FRYL: variants seen among roughly 807,000 people sequenced by gnomAD.
FRYL encodes the protein protein furry homolog-like.
Under a neutral mutation model 351.2 loss-of-function variants are expected in FRYL, and 150 were observed. That is an observed-to-expected ratio of 0.43 (90% CI 0.37 to 0.49). The LOEUF is 0.49. Among genes scored for constraint, FRYL ranks in the 20% least tolerant of loss-of-function variants. The pLI is 0.00. For synonymous variants in FRYL, 1,153 were observed against 1,257.1 expected, an observed-to-expected ratio of 0.92 and a Z score of 1.75; for missense variants, 3,036 against 3,619.3, an observed-to-expected ratio of 0.84 and a Z score of 4.13.
intron 2 of FRYL, among the ~76,000 whole-genome samples, chr4:48,688,151 C>T (rs992557465): frequency 6.6e-6 from 1 of 152,026 alleles, no homozygotes; most frequent in Non-Finnish European, 1.5e-5. Context: ...AGCTAGAAAC[C>T]GCACTTTAAG....
At chr4:48,599,648 C>A (rs560142948) in intron 13 of FRYL, among the ~76,000 whole-genome samples, 1 of 152,250 alleles carries the variant, frequency 6.6e-6, no homozygotes, top group East Asian at 1.9e-4. Flanking sequence ...ACTAGAAGAG[C>A]AAGAGCTATG....
At chr4:48,595,487 T>A (rs896551250) in intron 15 of FRYL, 103 bp downstream of exon 15, 7 of 582,320 alleles carry the variant, frequency 1.2e-5, no homozygotes, top group African/African-American at 1.9e-5. Flanking sequence ...CAATGTTGTA[T>A]TACTATGTTT....
chr4:48,775,510 C>G (rs1240488054), intron 1 of FRYL, among the ~76,000 whole-genome samples: 1 of 152,136 alleles, frequency 6.6e-6, no homozygotes, highest in Non-Finnish European at 1.5e-5. Flanking sequence ...ACCCTTTCTG[C>G]CCTCTGGGGT....
chr4:48,725,690 G>T (rs1159374467), intron 1 of FRYL, among the ~76,000 whole-genome samples: 2 of 152,110 alleles, frequency 1.3e-5, no homozygotes, highest in African/African-American at 4.8e-5. Context: ...TCAGTTATCA[G>T]ATCCACTCTC....
At chr4:48,592,967 T>A (rs1025446843) in intron 16 of FRYL, among the ~76,000 whole-genome samples, 2 of 152,172 alleles carry the variant, frequency 1.3e-5, no homozygotes, top group African/African-American at 4.8e-5. Context: ...CCTTTTTATA[T>A]CCTCAAATGT....
Position 48,497,430 on chromosome 4 carries a change from A to G in FRYL, c.*1992T>C, listed in dbSNP as rs1269653009. 2.0e-5 allele frequency: 3 copies of G among 152,602 alleles called. No individual in the cohort carries two copies. The highest frequency in any genetic ancestry group is 4.4e-5 in the Non-Finnish European group (3 of 68,038). 9.5% of individuals were successfully genotyped at this position (152,602 alleles called of 1,614,324 possible). A position where few individuals can be genotyped will look rare whatever the true frequency, so the allele number is the denominator to read the frequency against. ...ACATATAAATAAACACAAAAAGCAA[A>G]TATCAACTGAAAGGTTTGGTTGGGT... On this transcript the variant is annotated 3_prime_UTR_variant, in exon 64 of 64. Coordinates refer to ENST00000358350, the MANE Select transcript of FRYL (RefSeq NM_015030.2).
At chr4:48,548,343 T>G (rs1377139524) in intron 40 of FRYL, among the ~76,000 whole-genome samples, 1 of 152,200 alleles carries the variant, frequency 6.6e-6, no homozygotes, top group Non-Finnish European at 1.5e-5. Context: ...AGAACCTATC[T>G]CAACTTTTCA....
At chr4:48,559,898 G>C (rs537620073) in intron 33 of FRYL, among the ~76,000 whole-genome samples, 7 of 152,134 alleles carry the variant, frequency 4.6e-5, no homozygotes, top group Non-Finnish European at 7.4e-5. Flanking sequence ...GTGGAAAGTA[G>C]CAAACAGACT....
chr4:48,565,284 G>A (rs201973198), intron 29 of FRYL, among the ~76,000 whole-genome samples: 1 of 152,102 alleles, frequency 6.6e-6, no homozygotes, highest in South Asian at 2.1e-4. Flanking sequence ...TTAAGTAAGG[G>A]AAAAAAGGCA....
chr4:48,721,354 ATT>A (rs111383761), intron 1 of FRYL, among the ~76,000 whole-genome samples: 5 of 142,870 alleles, frequency 3.5e-5, no homozygotes, highest in South Asian at 2.2e-4. Flanking sequence ...CTATATGTAG[ATT>A]TTTTTTTTTT....
chr4:48,605,609 C>T (rs1277204543), intron 11 of FRYL, 132 bp downstream of exon 11: 2 of 651,010 alleles, frequency 3.1e-6, no homozygotes, highest in African/African-American at 3.8e-5. Context: ...CAACAGGGAG[C>T]AAATGAGACG....
At chr4:48,585,417 G>C (rs894875728) in intron 19 of FRYL, among the ~76,000 whole-genome samples, 13 of 152,240 alleles carry the variant, frequency 8.5e-5, no homozygotes, top group African/African-American at 2.9e-4. Context: ...GGGGAGAAAG[G>C]ATTGCTGGAA....
At chr4:48,744,696 G>A (rs1772470604) in intron 1 of FRYL, among the ~76,000 whole-genome samples, 1 of 152,136 alleles carries the variant, frequency 6.6e-6, no homozygotes, top group African/African-American at 2.4e-5. Flanking sequence ...TTTCATTTGG[G>A]ATAACTTTAA....
rs1212503879 is a variant in FRYL at position 48,699,357 on chromosome 4, G to A, written c.-204+11162C>T. Among the ~76,000 whole-genome samples the A allele has an allele frequency of 2.0e-5, 3 of 152,130 alleles. No homozygotes were observed. In the East Asian group the frequency reaches 5.8e-4, roughly 29 times the overall value. On this transcript the variant is annotated intron_variant, in intron 2 of 63. Transcript: ENST00000358350. ...ATATTTCATGAAAACATAAGAGTTT[G>A]CCCTATCAAAAGTAAAAAATAGTGG...
intron 27 of FRYL, 113 bp downstream of exon 27, chr4:48,570,714 C>T (rs1394099561): frequency 1.0e-5 from 7 of 701,966 alleles, no homozygotes; most frequent in Middle Eastern, 4.9e-4. Context: ...GTGATACATA[C>T]AGGTTTTCTT....
intron 35 of FRYL, among the ~76,000 whole-genome samples, chr4:48,554,108 C>T (rs1733539137): frequency 6.6e-6 from 1 of 152,118 alleles, no homozygotes; most frequent in South Asian, 2.1e-4. Flanking sequence ...ACTGAAATAA[C>T]TTCATAACTG....
chr4:48,606,874 C>A (rs1324533157), intron 9 of FRYL, among the ~76,000 whole-genome samples: 1 of 152,124 alleles, frequency 6.6e-6, no homozygotes, highest in African/African-American at 2.4e-5. Flanking sequence ...ACCACCATTA[C>A]CATTTAATTA....
At chr4:48,612,606 G>A (rs546599213) in intron 7 of FRYL, among the ~76,000 whole-genome samples, 5 of 151,318 alleles carry the variant, frequency 3.3e-5, no homozygotes, top group East Asian at 1.9e-4. Flanking sequence ...AGACAGTCTC[G>A]CTCTGTCACC....
intron 1 of FRYL, among the ~76,000 whole-genome samples, chr4:48,765,287 G>A (rs1007151545): frequency 2.0e-5 from 3 of 152,128 alleles, no homozygotes; most frequent in African/African-American, 4.8e-5. Context: ...AGCAGTATAG[G>A]ATTGGCATAA....
Sources: allele counts gnomAD v4.1 joint callset (sites outside exome capture counted in the v4.1 genomes callset), GRCh38; gene constraint gnomAD v4.1.1; transcripts MANE v1.5; gene names NCBI Gene and HGNC (gene_info 2026-07-23, HGNC 2026-07-21).